The following KLF12 variants were observed in gnomAD, a reference collection of about 807,000 sequenced individuals.
KLF12 encodes Krueppel-like factor 12.
A neutral mutation model predicts 37.8 loss-of-function variants in KLF12; 9 were observed. The ratio of observed to expected loss-of-function variants is 0.24; its 90% CI spans 0.14 to 0.42. The LOEUF is 0.42. KLF12 is among the 10% of genes least tolerant of loss of function. The probability of loss-of-function intolerance (pLI) is 1.00; values close to 1 mark genes in which losing one functional copy is unlikely to be tolerated. For synonymous variants in KLF12, 208 were observed against 202.1 expected, an observed-to-expected ratio of 1.03 and a Z score of -0.25; for missense variants, 411 against 516.0, an observed-to-expected ratio of 0.80 and a Z score of 1.97.
At chr13:74,184,560 C>A in the KLF12 span, among the ~76,000 whole-genome samples, 1 of 152,202 alleles carries the variant, frequency 6.6e-6, no homozygotes, top group Non-Finnish European at 1.5e-5. Flanking sequence ...TCTTACAAAT[C>A]ATGTTTTGAT....
At chr13:73,790,425 G>A (rs561336752) in intron 5 of KLF12, among the ~76,000 whole-genome samples, 1 of 151,876 alleles carries the variant, frequency 6.6e-6, no homozygotes, top group South Asian at 2.1e-4. Context: ...TTTTATTTTT[G>A]TGCTTCCTTT....
chr13:74,069,290 T>C (rs1367019390), intron 1 of KLF12, among the ~76,000 whole-genome samples: 2 of 152,164 alleles, frequency 1.3e-5, no homozygotes, highest in African/African-American at 4.8e-5. Flanking sequence ...GGGCAGGACT[T>C]GACTATGCAC....
chr13:73,937,909 T>A (rs1890021567), intron 3 of KLF12, among the ~76,000 whole-genome samples: 3 of 148,112 alleles, frequency 2.0e-5, no homozygotes, highest in Admixed American at 6.7e-5. Flanking sequence ...TCTTTCCGCT[T>A]AAAAAAAAAA....
chr13:74,068,936 C>T (rs567918370), intron 1 of KLF12, among the ~76,000 whole-genome samples: 1 of 152,218 alleles, frequency 6.6e-6, no homozygotes, highest in African/African-American at 2.4e-5. Flanking sequence ...GACAAACTGA[C>T]CAACTATTGA....
chr13:73,983,172 T>C (rs1475836773), intron 2 of KLF12, among the ~76,000 whole-genome samples: 4 of 152,112 alleles, frequency 2.6e-5, no homozygotes, highest in Non-Finnish European at 1.5e-5. Context: ...TTCCTGGAAG[T>C]TCAAGTGTAC....
intron 3 of KLF12, among the ~76,000 whole-genome samples, chr13:73,930,035 C>T (rs1295515802): frequency 1.3e-5 from 2 of 152,154 alleles, no homozygotes; most frequent in Non-Finnish European, 2.9e-5. Flanking sequence ...CTGAAAGGTT[C>T]TGAGAAATAA....
At position 73,741,002 on chromosome 13, in the gene KLF12, G is replaced by A. The variant is rs116280291; in HGVS notation, c.869+23936C>T. On this transcript the variant is annotated intron_variant, in intron 6 of 7. Transcript: ENST00000377669. ...AAAAGCAAAACAGAAGACACAAAAT[G>A]AGACACAGTCTCAAAGTGCTAACGG... Among the ~76,000 whole-genome samples, 566 of 152,284 alleles carry A rather than the reference G, an allele frequency of 3.7e-3. 5 individuals are homozygous for A. Among genetic ancestry groups the A allele is most frequent in the African/African-American group, 0.013 (547 of 41,574 alleles).
At chr13:74,057,332 C>T (rs1873300597) in intron 1 of KLF12, among the ~76,000 whole-genome samples, 1 of 152,174 alleles carries the variant, frequency 6.6e-6, no homozygotes, top group Admixed American at 6.5e-5. Flanking sequence ...AGCTGGAAAT[C>T]CAGCTGCCTG....
chr13:74,299,091 C>T, the KLF12 span, among the ~76,000 whole-genome samples: 6,149 of 152,278 alleles, frequency 0.04, 260 homozygotes, highest in African/African-American at 0.096. Flanking sequence ...TGCAGGAACA[C>T]TGTTCCAGGT....
chr13:73,997,247 T>C (rs1199375615), intron 1 of KLF12, among the ~76,000 whole-genome samples: 1 of 152,138 alleles, frequency 6.6e-6, no homozygotes, highest in Non-Finnish European at 1.5e-5. Flanking sequence ...TAGTCTCACC[T>C]CTATTATCTT....
chr13:73,966,551 T>C (rs954962089), intron 2 of KLF12, among the ~76,000 whole-genome samples: 12 of 152,278 alleles, frequency 7.9e-5, no homozygotes, highest in African/African-American at 2.2e-4. Flanking sequence ...CAAGTCTCAT[T>C]TGAGGACAGC....
At chr13:74,156,918 A>C in the KLF12 span, among the ~76,000 whole-genome samples, 1 of 152,196 alleles carries the variant, frequency 6.6e-6, no homozygotes, top group Non-Finnish European at 1.5e-5. Flanking sequence ...TATTGTAAAC[A>C]GTGCTGCAAC....
intron 3 of KLF12, among the ~76,000 whole-genome samples, chr13:73,903,658 G>T (rs1888138296): frequency 6.6e-6 from 1 of 152,138 alleles, no homozygotes; most frequent in Non-Finnish European, 1.5e-5. Context: ...AACTACTCTT[G>T]AACTCAATCT....
intron 1 of KLF12, among the ~76,000 whole-genome samples, chr13:74,084,169 G>A (rs1173245863): frequency 6.6e-6 from 1 of 152,122 alleles, no homozygotes; most frequent in Non-Finnish European, 1.5e-5. Flanking sequence ...AATGAACAGG[G>A]TGATGTAACA....
chr13:74,140,922 G>A, the KLF12 span, among the ~76,000 whole-genome samples: 18 of 131,964 alleles, frequency 1.4e-4, no homozygotes, highest in Non-Finnish European at 2.4e-4. Flanking sequence ...CAGGCGTGGT[G>A]GCAGGCGCCT....
At position 73,693,374 on chromosome 13, in the gene KLF12, G is replaced by C. The variant is rs1873926411; in HGVS notation, c.*2116C>G. ...ATGAGTAGTAGACTGTGCAGCTAAA[G>C]ATGCTATTTATCACTAGAACTGCAG... On this transcript the variant is annotated 3_prime_UTR_variant, in exon 8 of 8. Coordinates refer to ENST00000377669, the MANE Select transcript of KLF12 (RefSeq NM_007249.5). 6.6e-6 allele frequency: 1 copy of C among 152,220 alleles called. No homozygotes were observed. Among genetic ancestry groups the C allele is most frequent in the African/African-American group, 2.4e-5 (1 of 41,454 alleles). The allele number at this position is 152,220 out of a possible 1,614,324, so 9.4% of individuals were successfully genotyped here. A position where few individuals can be genotyped will look rare whatever the true frequency, so the allele number is the denominator to read the frequency against.
the KLF12 span, among the ~76,000 whole-genome samples, chr13:74,150,579 C>A: frequency 6.6e-6 from 1 of 152,228 alleles, no homozygotes; most frequent in Non-Finnish European, 1.5e-5. Context: ...ATCTTAGCAA[C>A]ATCAACAAAC....
chr13:73,694,354 C>G lies in KLF12; in HGVS notation c.*1136G>C, dbSNP rs924408371. The G allele has an allele frequency of 2.6e-5, 4 of 152,614 alleles. No homozygotes were observed. Among genetic ancestry groups the G allele is most frequent in the Non-Finnish European group, 4.4e-5 (3 of 68,034 alleles). The allele number at this position is 152,614 out of a possible 1,614,324, so 9.5% of individuals were successfully genotyped here. On this transcript the variant is annotated 3_prime_UTR_variant, in exon 8 of 8. Transcript: ENST00000377669. ...GGACAACAAACAGCAGAAAGATTAC[C>G]TCAGTGCTGTAAATGGAACCAAGAC...
the KLF12 span, among the ~76,000 whole-genome samples, chr13:74,232,568 A>T: frequency 2.0e-5 from 3 of 152,198 alleles, no homozygotes; most frequent in Admixed American, 2.0e-4. Context: ...ACTTTTTAGA[A>T]ATTTACTTTA....
Sources: allele counts gnomAD v4.1 joint callset (sites outside exome capture counted in the v4.1 genomes callset), GRCh38; gene constraint gnomAD v4.1.1; transcripts MANE v1.5; gene names NCBI Gene and HGNC (gene_info 2026-07-23, HGNC 2026-07-21).